HNMT: variants seen among roughly 807,000 people sequenced by gnomAD.
HNMT encodes histamine N-methyltransferase.
A neutral mutation model predicts 32.1 loss-of-function variants in HNMT; 30 were observed. The ratio of observed to expected loss-of-function variants is 0.93; its 90% confidence interval spans 0.70 to 1.27. HNMT has a LOEUF of 1.27. Among genes scored for constraint, HNMT ranks in the 50% most tolerant of loss-of-function variants. HNMT has a pLI of 0.00. For synonymous variants in HNMT, 125 were observed against 119.0 expected (o/e 1.05, Z -0.33); for missense variants, 327 against 346.0 (o/e 0.95, Z 0.43).
At chr2:137,973,970 C>A (rs1680210130) in intron 2 of HNMT, among the ~76,000 whole-genome samples, 1 of 151,990 alleles carries the variant, frequency 6.6e-6, no homozygotes, top group African/African-American at 2.4e-5. Context: ...ATTATTAGGG[C>A]TCTGAGAAGT....
Position 137,964,481 on chromosome 2 carries a change from G to C in HNMT, c.-11G>C, listed in dbSNP as rs1558948099. 6.2e-7 allele frequency: 1 copy of C among 1,611,484 alleles called. No individual in the cohort carries two copies. The highest frequency in any genetic ancestry group is 8.5e-7 in the Non-Finnish European group (1 of 1,178,722). On this transcript the variant is annotated 5_prime_UTR_variant, in exon 1 of 6. Coordinates refer to ENST00000280097, the MANE Select transcript of HNMT (RefSeq NM_006895.3). ...CTTGCTTCCTGCTCTGTCTTTCTCAGAAAACCAAATATGGCATCTTCCATG... is the reference window on the plus strand; with the variant it reads ...CTTGCTTCCTGCTCTGTCTTTCTCACAAAACCAAATATGGCATCTTCCATG...
At chr2:137,967,367 C>T (rs1573638566) in intron 1 of HNMT, 1 of 432,206 alleles carries the variant, frequency 2.3e-6, no homozygotes, top group South Asian at 5.4e-5. Flanking sequence ...TGAGACACTG[C>T]TCTCAGCCTG....
At chr2:138,006,352 A>G (rs1350852228) in intron 5 of HNMT, among the ~76,000 whole-genome samples, 1 of 152,004 alleles carries the variant, frequency 6.6e-6, no homozygotes, top group Non-Finnish European at 1.5e-5. Context: ...ATACAGAAAA[A>G]GTATTGTAGA....
intron 2 of HNMT, among the ~76,000 whole-genome samples, chr2:137,974,408 G>A (rs1392330875): frequency 6.6e-6 from 1 of 152,002 alleles, no homozygotes; most frequent in Non-Finnish European, 1.5e-5. Flanking sequence ...CCTCTTGATG[G>A]GGGTTTTCAT....
intron 1 of HNMT, 136 bp downstream of exon 1, chr2:137,964,764 C>G: frequency 1.2e-6 from 1 of 810,302 alleles, no homozygotes; most frequent in Non-Finnish European, 2.0e-6. Context: ...CCCGTCGTCC[C>G]CTCCTCGCTG....
chr2:137,989,448 T>A (rs1318194020), intron 2 of HNMT, among the ~76,000 whole-genome samples: 1 of 152,226 alleles, frequency 6.6e-6, no homozygotes, highest in Non-Finnish European at 1.5e-5. Context: ...ATTGTCTGCA[T>A]GTACCACAGA....
chr2:138,001,077 C>A, intron 3 of HNMT, 52 bp downstream of exon 3: 1 of 896,290 alleles, frequency 1.1e-6, no homozygotes, highest in South Asian at 1.6e-5. Context: ...AAAGACTTAA[C>A]TCAAATTGTT....
chr2:138,010,824 T>C (rs2604459), intron 5 of HNMT, among the ~76,000 whole-genome samples: 4 of 152,034 alleles, frequency 2.6e-5, no homozygotes, highest in Admixed American at 2.6e-4. Flanking sequence ...CACACTAAAA[T>C]GGTATCAAAG....
intron 2 of HNMT, among the ~76,000 whole-genome samples, chr2:137,997,660 A>G (rs968508959): frequency 7.2e-5 from 11 of 152,244 alleles, no homozygotes; most frequent in African/African-American, 2.7e-4. Flanking sequence ...TGACCCAGCA[A>G]TGGGATTGCT....
At chr2:137,976,448 A>G (rs1321325549) in intron 2 of HNMT, among the ~76,000 whole-genome samples, 2 of 152,170 alleles carry the variant, frequency 1.3e-5, no homozygotes, top group Admixed American at 6.6e-5. Flanking sequence ...ACGTGCTTTC[A>G]GTCTTGAAAT....
At chr2:138,005,610 A>G (rs912904164) in intron 5 of HNMT, among the ~76,000 whole-genome samples, 2 of 152,068 alleles carry the variant, frequency 1.3e-5, no homozygotes, top group African/African-American at 2.4e-5. Flanking sequence ...TTAATAAATA[A>G]AGGTTAAACT....
chr2:138,012,983 G>A (rs1482188084), intron 5 of HNMT, among the ~76,000 whole-genome samples: 1 of 151,984 alleles, frequency 6.6e-6, no homozygotes, highest in Middle Eastern at 3.4e-3. Flanking sequence ...TCTTCCCATC[G>A]GTGAGGCCAG....
chr2:137,983,150 C>T (rs1680554117), intron 2 of HNMT, among the ~76,000 whole-genome samples: 1 of 152,024 alleles, frequency 6.6e-6, no homozygotes, highest in Admixed American at 6.6e-5. Flanking sequence ...TAAAGTAGTC[C>T]AAAGTAAGTG....
intron 2 of HNMT, among the ~76,000 whole-genome samples, chr2:137,971,169 A>G (rs1573642171): frequency 6.6e-6 from 1 of 151,900 alleles, no homozygotes; most frequent in East Asian, 1.9e-4. Flanking sequence ...TCTAGCATTC[A>G]GATAACTCCT....
chr2:137,993,158 T>A (rs941145322), intron 2 of HNMT, among the ~76,000 whole-genome samples: 3 of 152,078 alleles, frequency 2.0e-5, no homozygotes, highest in African/African-American at 7.2e-5. Context: ...TCCAAATGAT[T>A]TCAACCTTTC....
rs1373976132 is a variant in HNMT at position 137,964,586 on chromosome 2, T to C, written c.95T>C (p.Met32Thr). ...FLNHSTEHQC[M>T]QEFMDKKLPG... is the part of the protein sequence containing the mutation. ...AACCATTCCACGGAACACCAGTGCA[T>C]GCAGGAATTCATGGACAAGAAGCTG... The change falls in exon 1 of 6, where the codon ATG (methionine) becomes ACG (threonine). Residue 32 changes from methionine to threonine, a missense_variant. Met to Thr is a moderately conservative substitution (Grantham distance 81). Coordinates refer to ENST00000280097, the MANE Select transcript of HNMT (RefSeq NM_006895.3). The C allele has an allele frequency of 1.2e-6, 2 of 1,613,806 alleles. No individual in the cohort carries two copies. The highest frequency in any genetic ancestry group is 1.7e-6 in the Non-Finnish European group (2 of 1,179,770).
intron 1 of HNMT, among the ~76,000 whole-genome samples, chr2:137,964,969 C>T (rs981449854): frequency 5.3e-5 from 8 of 152,160 alleles, no homozygotes; most frequent in African/African-American, 1.9e-4. Flanking sequence ...CCAAATTTTA[C>T]ATCCCAAAAA....
chr2:138,014,913 A>G lies in HNMT; in HGVS notation c.*783A>G, dbSNP rs1458147970. The G allele has an allele frequency of 1.3e-5, 2 of 152,064 alleles. No homozygotes were observed. Among genetic ancestry groups the G allele is most frequent in the Non-Finnish European group, 2.9e-5 (2 of 68,002 alleles). 9.4% of individuals were successfully genotyped at this position (152,064 alleles called of 1,614,324 possible). On this transcript the variant is annotated 3_prime_UTR_variant, in exon 6 of 6. Transcript: ENST00000280097. Reference sequence around the variant, plus strand: ...TACTATGTTTGAAATTTAGATAAGTATAAACAGTGAGAACAAACTGTTTCC... The same window carrying G: ...TACTATGTTTGAAATTTAGATAAGTGTAAACAGTGAGAACAAACTGTTTCC...
chr2:138,014,042 A>G lies in HNMT; in HGVS notation c.791A>G (p.Lys264Arg). ...CCTGATCTCAGAGCAGAGCTTGGGA[A>G]AGATCTACAAGAGCCTGAATTTAGT... Reference protein sequence around the residue: ...APPDLRAELGKDLQEPEFSAK... With the variant: ...APPDLRAELGRDLQEPEFSAK... The change falls in exon 6 of 6, where the codon AAA (lysine) becomes AGA (arginine). Residue 264 changes from lysine to arginine, a missense_variant. By Grantham distance (26) the Lys-to-Arg change is conservative. Transcript: ENST00000280097. 1.2e-6 allele frequency: 2 copies of G among 1,613,674 alleles called. No individual in the cohort carries two copies. The highest frequency in any genetic ancestry group is 8.5e-7 in the Non-Finnish European group (1 of 1,179,720).
Sources: allele counts gnomAD v4.1 joint callset (sites outside exome capture counted in the v4.1 genomes callset), GRCh38; gene constraint gnomAD v4.1.1; transcripts MANE v1.5; gene names NCBI Gene and HGNC (gene_info 2026-07-23, HGNC 2026-07-21).